VWDE: variants seen among roughly 807,000 people sequenced by gnomAD.
VWDE encodes the protein von Willebrand factor D and EGF domains, also known as von Willebrand factor D and EGF domain-containing protein.
VWDE carries 207 observed loss-of-function variants against 178.4 expected under a neutral mutation model. The observed-to-expected ratio is 1.16, with a 90% confidence interval of 1.04 to 1.30. The LOEUF (loss-of-function observed/expected upper bound fraction) is 1.30. VWDE is among the 50% of genes most tolerant of loss of function. VWDE has a pLI of 0.00. For synonymous variants in VWDE, 738 were observed against 651.4 expected, an observed-to-expected ratio of 1.13 and a Z score of -2.02; for missense variants, 2,287 against 1,901.3, an observed-to-expected ratio of 1.20 and a Z score of -3.77.
chr7:12,357,450 C>G lies in VWDE; in HGVS notation c.3340G>C (p.Glu1114Gln). The change falls in exon 17 of 29, where the codon GAG (glutamate) becomes CAG (glutamine). Residue 1114 changes from glutamate (E) to glutamine (Q), a missense_variant. By Grantham distance (29) the Glu-to-Gln change is conservative. Coordinates refer to ENST00000275358, the MANE Select transcript of VWDE (RefSeq NM_001135924.3). ...KLQTFYGENF[E>Q]YQFVAFDPEG... ...GGATCGAAGGCCACGAACTGATACT[C>G]AAAGTTTTCACCATAAAATGTCTGT... 1 of 1,551,970 alleles carries G rather than the reference C, an allele frequency of 6.4e-7. No individual in the cohort carries two copies. Among genetic ancestry groups the G allele is most frequent in the Non-Finnish European group, 8.7e-7 (1 of 1,147,070 alleles).
chr7:12,403,669 G>GGCCAGGAACATCAGCGCGATC lies in VWDE; in HGVS notation c.27_47dup (p.Ile10_Ala16dup). ...CCCTACCTCGCTTACCTTCCCCCCA[G>GGCCAGGAACATCAGCGCGATC]GCCAGGAACATCAGCGCGATCACCA... is the stretch of plus-strand genomic sequence containing the variant. On this transcript the variant is annotated inframe_insertion, in exon 1 of 29. Coordinates refer to ENST00000275358, the MANE Select transcript of VWDE (RefSeq NM_001135924.3). The GGCCAGGAACATCAGCGCGATC allele has an allele frequency of 7.8e-6, 12 of 1,545,988 alleles. No homozygotes were observed. The highest frequency in any genetic ancestry group is 7.9e-6 in the Non-Finnish European group (9 of 1,146,086).
chr7:12,391,733 T>C (rs555560343), intron 2 of VWDE, among the ~76,000 whole-genome samples: 36 of 152,204 alleles, frequency 2.4e-4, no homozygotes, highest in Non-Finnish European at 4.7e-4. Context: ...TTCAATGTCT[T>C]TCCAGAGATC....
chr7:12,372,358 T>C (rs1327176372), intron 10 of VWDE, among the ~76,000 whole-genome samples: 1 of 152,046 alleles, frequency 6.6e-6, no homozygotes, highest in Non-Finnish European at 1.5e-5. Context: ...TTCACTTCAG[T>C]AAATATTATA....
At chr7:12,344,612 G>A in intron 19 of VWDE, 143 bp from the exon 20 acceptor site, 1 of 644,948 alleles carries the variant, frequency 1.6e-6, no homozygotes, top group Non-Finnish European at 2.6e-6. Flanking sequence ...GAGAACGTAA[G>A]AATACTCCAA....
chr7:12,364,016 C>T (rs1486696566), intron 13 of VWDE, among the ~76,000 whole-genome samples: 3 of 152,036 alleles, frequency 2.0e-5, no homozygotes, highest in Non-Finnish European at 4.4e-5. Flanking sequence ...CTGAAACTGA[C>T]TTACATATAC....
rs757274318 is a variant in VWDE, at chr7:12,369,969, GA to G, written c.2336del (p.Phe779SerfsTer29). 6.4e-7 allele frequency: 1 copy of G among 1,551,412 alleles called. No individual in the cohort carries two copies. Among genetic ancestry groups the G allele is most frequent in the Non-Finnish European group, 8.7e-7 (1 of 1,146,858 alleles). On this transcript the variant is annotated frameshift_variant, in exon 12 of 29. Coordinates refer to ENST00000275358, the MANE Select transcript of VWDE (RefSeq NM_001135924.3). LOFTEE classifies it high-confidence loss of function. ...GTACATCCTCAGCATGGTCCTCTGG[GA>G]AAAAATAAGTAAGTTCTTCCAGATC... Reference protein sequence around the residue: ...QTDLEELTYFFPEDHAEDVQQ... With the variant: ...QTDLEELTYFXPEDHAEDVQQ...
chr7:12,387,975 A>T (rs1041314427), intron 3 of VWDE, among the ~76,000 whole-genome samples: 1 of 152,168 alleles, frequency 6.6e-6, no homozygotes, highest in Non-Finnish European at 1.5e-5. Context: ...TGTCAAAACT[A>T]GGAGATTTAC....
chr7:12,369,832 G>A lies in VWDE; in HGVS notation c.2474C>T (p.Ala825Val), dbSNP rs1783069476. ...ACTGTCTAATCTCTTGCCAAGAAAA[G>A]CAAGACACAGCCTTCCTATGCTGGA... ...ANSSIGRLCL[A>V]FLGKRLDSVI... The change falls in exon 12 of 29, where the codon GCT becomes GTT. Residue 825 changes from alanine (A) to valine (V), a missense_variant. Coordinates refer to ENST00000275358, the MANE Select transcript of VWDE (RefSeq NM_001135924.3). 6.4e-7 allele frequency: 1 copy of A among 1,551,456 alleles called. No homozygotes were observed. Among genetic ancestry groups the A allele is most frequent in the Non-Finnish European group, 8.7e-7 (1 of 1,146,894 alleles).
chr7:12,397,951 C>T (rs1043858214), intron 1 of VWDE, among the ~76,000 whole-genome samples: 1 of 152,152 alleles, frequency 6.6e-6, no homozygotes, highest in African/African-American at 2.4e-5. Context: ...AACATTTATA[C>T]ACTGTTGGTG....
intron 27 of VWDE, among the ~76,000 whole-genome samples, chr7:12,333,952 C>A (rs963159143): frequency 5.9e-5 from 9 of 151,920 alleles, no homozygotes; most frequent in Non-Finnish European, 1.0e-4. Context: ...AAAGAGACAA[C>A]CCAGTACTGG....
intron 16 of VWDE, among the ~76,000 whole-genome samples, chr7:12,358,360 T>C (rs541626122): frequency 1.8e-5 from 2 of 110,270 alleles, no homozygotes; most frequent in South Asian, 6.5e-4. Context: ...GGAGACAGAA[T>C]GAGATTCTGT....
At chr7:12,362,589 A>C (rs1229290558) in intron 13 of VWDE, among the ~76,000 whole-genome samples, 1 of 152,060 alleles carries the variant, frequency 6.6e-6, no homozygotes, top group Non-Finnish European at 1.5e-5. Context: ...CAAAATTTAG[A>C]TTTAGATTTT....
chr7:12,357,274 G>T lies in VWDE; in HGVS notation c.3516C>A (p.Val1172=). The change falls in exon 17 of 29, where the codon GTC becomes GTA. Residue 1172 remains valine (V), a synonymous_variant. Coordinates refer to ENST00000275358, the MANE Select transcript of VWDE (RefSeq NM_001135924.3). Reference sequence around the variant, plus strand: ...TAATTATAAAGATTACCTCAATCGTGACTCTAGTTTCAGCATCGCAGTCAT... The same window carrying T: ...TAATTATAAAGATTACCTCAATCGTTACTCTAGTTTCAGCATCGCAGTCAT... ...LNDDCDAETR[V]TIEVTVKSCD... The T allele has an allele frequency of 1.3e-6, 2 of 1,552,024 alleles. No individual in the cohort carries two copies. The highest frequency in any genetic ancestry group is 1.7e-6 in the Non-Finnish European group (2 of 1,146,982).
intron 1 of VWDE, among the ~76,000 whole-genome samples, chr7:12,397,045 T>C (rs7784225): frequency 2.5e-4 from 38 of 152,206 alleles, no homozygotes; most frequent in African/African-American, 8.2e-4. Flanking sequence ...ATGTTGTTTT[T>C]TACAAAATTA....
intron 13 of VWDE, among the ~76,000 whole-genome samples, chr7:12,366,741 T>C (rs6460937): frequency 0.25 from 38,406 of 151,888 alleles, 5,123 homozygotes; most frequent in African/African-American, 0.31. Flanking sequence ...TCAGCTTACC[T>C]ACATATACTT....
At chr7:12,378,674 C>G (rs2128557873) in intron 6 of VWDE, among the ~76,000 whole-genome samples, 1 of 152,278 alleles carries the variant, frequency 6.6e-6, no homozygotes, top group Middle Eastern at 3.4e-3. Flanking sequence ...TTCCTGTGTT[C>G]TCAAAGCTTG....
intron 2 of VWDE, 132 bp downstream of exon 2, chr7:12,393,462 C>G: frequency 1.3e-6 from 1 of 747,930 alleles, no homozygotes; most frequent in Non-Finnish European, 2.1e-6. Context: ...TGGGAATAGT[C>G]TTTCAGATTA....
In VWDE at chr7:12,357,248, G is replaced by A. The variant is rs1037334696; in HGVS notation, c.3525+17C>T. On this transcript the variant is annotated intron_variant, in intron 17 of 28. Coordinates refer to ENST00000275358, the MANE Select transcript of VWDE (RefSeq NM_001135924.3). ...TGCAAAAGAATCCAGTGGCACTTAT[G>A]TAATTATAAAGATTACCTCAATCGT... 21 of 1,547,278 alleles carry A rather than the reference G, an allele frequency of 1.4e-5. No individual in the cohort carries two copies. The highest frequency in any genetic ancestry group is 1.6e-5 in the Non-Finnish European group (18 of 1,143,860).
chr7:12,391,919 A>G (rs556040683), intron 2 of VWDE, among the ~76,000 whole-genome samples: 2 of 152,322 alleles, frequency 1.3e-5, no homozygotes, highest in African/African-American at 4.8e-5. Context: ...ATCGACTTTA[A>G]GAATGAACTC....
Sources: allele counts gnomAD v4.1 joint callset (sites outside exome capture counted in the v4.1 genomes callset), GRCh38; gene constraint gnomAD v4.1.1; transcripts MANE v1.5; gene names NCBI Gene and HGNC (gene_info 2026-07-23, HGNC 2026-07-21).